AKAP13: variants seen among roughly 807,000 people sequenced by gnomAD.
AKAP13 encodes the protein A-kinase anchoring protein 13.
AKAP13 carries 80 observed loss-of-function variants against 264.5 expected under a neutral mutation model. The ratio of observed to expected loss-of-function variants is 0.30; its 90% CI spans 0.25 to 0.36. The LOEUF (loss-of-function observed/expected upper bound fraction) is 0.36. AKAP13 is among the 10% of genes least tolerant of loss of function. AKAP13 has a pLI of 1.00. For synonymous variants in AKAP13, 1,380 were observed against 1,250.2 expected (o/e 1.10, Z -2.19); for missense variants, 3,712 against 3,435.2 (o/e 1.08, Z -2.01).
At chr15:85,685,671 G>A (rs917906522) in intron 16 of AKAP13, among the ~76,000 whole-genome samples, 2 of 152,116 alleles carry the variant, frequency 1.3e-5, no homozygotes, top group African/African-American at 4.8e-5. Flanking sequence ...GTTTAAATTT[G>A]TTTGTAAAGA....
chr15:85,583,017 G>A, intron 7 of AKAP13: 5 of 985,462 alleles, frequency 5.1e-6, no homozygotes, highest in Non-Finnish European at 6.0e-6. Context: ...TCTTAACGGG[G>A]GTTGAGGCTG....
chr15:85,452,635 G>A (rs1401458407), intron 1 of AKAP13, among the ~76,000 whole-genome samples: 1 of 152,212 alleles, frequency 6.6e-6, no homozygotes, highest in African/African-American at 2.4e-5. Flanking sequence ...GGGAGGGTAT[G>A]TCAGGTATCT....
At chr15:85,420,189 C>T (rs1389433814) in intron 1 of AKAP13, among the ~76,000 whole-genome samples, 5 of 151,936 alleles carry the variant, frequency 3.3e-5, no homozygotes, top group East Asian at 1.9e-4. Flanking sequence ...GATCCGCCCG[C>T]CTCGGCCTCC....
intron 1 of AKAP13, among the ~76,000 whole-genome samples, chr15:85,424,063 G>A (rs1453417277): frequency 1.3e-5 from 2 of 152,164 alleles, no homozygotes; most frequent in South Asian, 2.1e-4. Flanking sequence ...AGTAGACTTA[G>A]CATAATTCTT....
At position 85,724,967 on chromosome 15, in the gene AKAP13, G is replaced by GT. The variant is rs2087520328; in HGVS notation, c.6746-1443_6746-1442insT. On this transcript the variant is annotated intron_variant, in intron 26 of 36. Transcript: ENST00000394518. This position sits in a 1 kb window ranked among gnomAD's most constrained non-coding sequence, Gnocchi z 4.2. ...GTCTTAATATTCCATGATGTTCTGA[G>GT]AGCCCTAGCTCTCTTTGAGACTTTT... 2.0e-5 allele frequency among the ~76,000 whole-genome samples: 3 copies of GT among 152,126 alleles called. No individual in the cohort carries two copies. The highest frequency in any genetic ancestry group is 6.5e-5 in the Admixed American group (1 of 15,278).
At chr15:85,452,781 C>T (rs1245400213) in intron 1 of AKAP13, among the ~76,000 whole-genome samples, 1 of 152,128 alleles carries the variant, frequency 6.6e-6, no homozygotes, top group Non-Finnish European at 1.5e-5. Flanking sequence ...CTCTCAGTGT[C>T]CTGAAAGTAT....
At chr15:85,398,209 G>A (rs2071212913) in intron 1 of AKAP13, among the ~76,000 whole-genome samples, 1 of 152,168 alleles carries the variant, frequency 6.6e-6, no homozygotes, top group African/African-American at 2.4e-5. Context: ...CTTTGACTTT[G>A]CCAGTAGATT....
chr15:85,412,849 T>C (rs2072044666), intron 1 of AKAP13, among the ~76,000 whole-genome samples: 1 of 152,262 alleles, frequency 6.6e-6, no homozygotes, highest in South Asian at 2.1e-4. Context: ...GCACTTAATA[T>C]GTGCCTGACA....
chr15:85,702,637 C>T (rs2086000876), intron 17 of AKAP13: 2 of 152,198 alleles, frequency 1.3e-5, no homozygotes, highest in Admixed American at 1.3e-4. Context: ...ATACCCTCAG[C>T]ACTGCATAGT....
intron 1 of AKAP13, among the ~76,000 whole-genome samples, chr15:85,435,650 G>A: frequency 1.8e-5 from 1 of 55,306 alleles, no homozygotes; most frequent in East Asian, 4.8e-4. Context: ...GAAGAGAGTG[G>A]GGGCCAATAT....
chr15:85,460,108 A>G (rs2150997664), intron 1 of AKAP13, among the ~76,000 whole-genome samples: 1 of 152,328 alleles, frequency 6.6e-6, no homozygotes, highest in South Asian at 2.1e-4. Flanking sequence ...TGCTATTTTA[A>G]TGCTTACAGA....
chr15:85,577,724 A>C lies in AKAP13; in HGVS notation c.862-1206A>C, dbSNP rs562344203. The C allele has an allele frequency of 2.0e-4, 167 of 847,292 alleles. 1 individual carries two copies. In the African/African-American group the frequency reaches 2.9e-3, roughly 15 times the overall value. 52.5% of individuals were successfully genotyped at this position (847,292 alleles called of 1,614,324 possible). ...TGACAGTATATAGGTATATGTTCTC[A>C]TTTATTTTATATTTAATATGTTCTG... On this transcript the variant is annotated intron_variant, in intron 6 of 36. Coordinates refer to ENST00000394518, the MANE Select transcript of AKAP13 (RefSeq NM_007200.5).
intron 14 of AKAP13, among the ~76,000 whole-genome samples, chr15:85,678,050 G>A (rs1473458528): frequency 2.0e-5 from 3 of 152,048 alleles, no homozygotes; most frequent in Non-Finnish European, 2.9e-5. Flanking sequence ...ATTCTTACTT[G>A]ATAATGCCTT....
intron 1 of AKAP13, among the ~76,000 whole-genome samples, chr15:85,448,743 T>C (rs1476830001): frequency 1.3e-5 from 2 of 152,146 alleles, no homozygotes; most frequent in Non-Finnish European, 2.9e-5. Flanking sequence ...TTTGTACCAG[T>C]ACCATGCTGT....
At chr15:85,553,627 T>C (rs1328046576) in intron 5 of AKAP13, among the ~76,000 whole-genome samples, 2 of 152,226 alleles carry the variant, frequency 1.3e-5, no homozygotes, top group Non-Finnish European at 1.5e-5. Context: ...ATGCTTTAAC[T>C]GGCCAATAGA....
At chr15:85,559,575 G>A (rs932172840) in intron 5 of AKAP13, among the ~76,000 whole-genome samples, 4 of 152,178 alleles carry the variant, frequency 2.6e-5, no homozygotes, top group Non-Finnish European at 5.9e-5. Context: ...CAGCTAAACA[G>A]TCCCATCAGG....
At chr15:85,442,530 A>AT (rs1237623818) in intron 1 of AKAP13, among the ~76,000 whole-genome samples, 3 of 122,394 alleles carry the variant, frequency 2.5e-5, no homozygotes, top group Admixed American at 8.7e-5. Flanking sequence ...TATATTATAT[A>AT]TAATATATAT....
intron 31 of AKAP13, 150 bp from the exon 32 acceptor site, chr15:85,735,410 T>A: frequency 1.2e-6 from 1 of 851,666 alleles, no homozygotes; most frequent in Non-Finnish European, 1.8e-6. Flanking sequence ...TTATTAATAA[T>A]CACTTAGCTG....
At chr15:85,529,603 AT>A (rs982214038) in intron 3 of AKAP13, among the ~76,000 whole-genome samples, 1 of 152,212 alleles carries the variant, frequency 6.6e-6, no homozygotes, top group Non-Finnish European at 1.5e-5. Context: ...AAAAATGCTG[AT>A]TTACCCCCCA....
Sources: allele counts gnomAD v4.1 joint callset (sites outside exome capture counted in the v4.1 genomes callset), GRCh38; gene constraint gnomAD v4.1.1; non-coding constraint Gnocchi (gnomAD v3.1); transcripts MANE v1.5; gene names NCBI Gene and HGNC (gene_info 2026-07-23, HGNC 2026-07-21).